Variants in OSBPL3 observed in about 807,000 individuals in gnomAD.
The protein encoded by OSBPL3 is oxysterol-binding protein-related protein 3.
OSBPL3 carries 65 observed loss-of-function variants against 120.1 expected under a neutral mutation model. That is an observed-to-expected ratio of 0.54 (90% confidence interval 0.44 to 0.67). The LOEUF (loss-of-function observed/expected upper bound fraction) is 0.67. Among genes scored for constraint, OSBPL3 ranks in the 30% least tolerant of loss-of-function variants. OSBPL3 has a pLI of 0.00. For missense variants in OSBPL3, 1,004 were observed against 1,082.1 expected (o/e 0.93, Z 1.01); for synonymous variants, 416 against 402.6 (o/e 1.03, Z -0.40).
At chr7:24,963,708 C>T (rs1816050712) in intron 1 of OSBPL3, among the ~76,000 whole-genome samples, 1 of 152,176 alleles carries the variant, frequency 6.6e-6, no homozygotes, top group Non-Finnish European at 1.5e-5. Flanking sequence ...ACCAAAGAGG[C>T]GTAACCTTAG....
intron 12 of OSBPL3, among the ~76,000 whole-genome samples, chr7:24,844,379 T>TC (rs1407190773): frequency 6.7e-6 from 1 of 149,734 alleles, no homozygotes; most frequent in Non-Finnish European, 1.5e-5. Context: ...TTTTTGTGAT[T>TC]TTTTTTTTTT....
Position 24,939,213 on chromosome 7 carries a change from T to C in OSBPL3, c.-150+40673A>G, listed in dbSNP as rs1423521346. 1.3e-5 allele frequency among the ~76,000 whole-genome samples: 2 copies of C among 152,206 alleles called. No homozygotes were observed. The highest frequency in any genetic ancestry group is 6.5e-5 in the Admixed American group (1 of 15,282). On this transcript the variant is annotated intron_variant, in intron 1 of 22. Coordinates refer to ENST00000313367, the MANE Select transcript of OSBPL3 (RefSeq NM_015550.4). This position sits in a 1 kb window ranked among gnomAD's most constrained non-coding sequence, Gnocchi z 4.2. Reference sequence around the variant, plus strand: ...AGAGAAGGAAGAACAACACTGTCCATAATCCAAAGGACCAAGGTCTCTGAG... The same window carrying C: ...AGAGAAGGAAGAACAACACTGTCCACAATCCAAAGGACCAAGGTCTCTGAG...
chr7:24,852,493 A>G lies in OSBPL3; in HGVS notation c.1158+11T>C. 6 of 1,557,322 alleles carry G rather than the reference A, an allele frequency of 3.9e-6. No homozygotes were observed. Among genetic ancestry groups the G allele is most frequent in the South Asian group, 3.7e-5 (3 of 80,836 alleles). On this transcript the variant is annotated intron_variant, in intron 11 of 22. Transcript: ENST00000313367. This position sits in a 1 kb window ranked among gnomAD's most constrained non-coding sequence, Gnocchi z 4.1. ...ATCTCAGGCATTCCTGGAGGCAGAC[A>G]TGTAACTTACGGATGACAGGGCGTT...
intron 2 of OSBPL3, among the ~76,000 whole-genome samples, chr7:24,886,421 A>G (rs1317617535): frequency 2.0e-5 from 3 of 152,228 alleles, no homozygotes; most frequent in Non-Finnish European, 4.4e-5. Flanking sequence ...AATAAAATCA[A>G]TGGGGAAGCC....
At chr7:24,895,413 C>T (rs1282540718) in intron 1 of OSBPL3, among the ~76,000 whole-genome samples, 1 of 152,224 alleles carries the variant, frequency 6.6e-6, no homozygotes, top group Non-Finnish European at 1.5e-5. Context: ...GGGTGTGTAG[C>T]AGGCTCTGCT....
chr7:24,820,043 C>A lies in OSBPL3; in HGVS notation c.1948+132G>T. The A allele has an allele frequency of 1.7e-6, 1 of 593,214 alleles. No individual in the cohort carries two copies. The highest frequency in any genetic ancestry group is 2.1e-5 in the South Asian group (1 of 46,592). The allele number at this position is 593,214 out of a possible 1,614,324, so 36.7% of individuals were successfully genotyped here. ...AGATGAGAGGCAAGAACAGGTGGCG[C>A]AGATCCTTCCAACCAGGCCCAAATC... On this transcript the variant is annotated intron_variant, in intron 17 of 22. Coordinates refer to ENST00000313367, the MANE Select transcript of OSBPL3 (RefSeq NM_015550.4). The surrounding 1 kb of genome is among the most constrained non-coding windows in gnomAD (Gnocchi z 4.6).
chr7:24,862,375 C>A lies in OSBPL3; in HGVS notation c.871-606G>T, dbSNP rs1263273345. 6.6e-6 allele frequency among the ~76,000 whole-genome samples: 1 copy of A among 152,206 alleles called. No homozygotes were observed. The highest frequency in any genetic ancestry group is 1.5e-5 in the Non-Finnish European group (1 of 68,036). ...AAGCTGCCAGGCTTTCTCATTTATA[C>A]TCAATTCCTTCCTCCTGGCAATAAT... On this transcript the variant is annotated intron_variant, in intron 9 of 22. Transcript: ENST00000313367. The surrounding 1 kb of genome is among the most constrained non-coding windows in gnomAD (Gnocchi z 4.4).
At chr7:24,858,446 G>C (rs1800099790) in intron 10 of OSBPL3, among the ~76,000 whole-genome samples, 1 of 152,208 alleles carries the variant, frequency 6.6e-6, no homozygotes, top group Non-Finnish European at 1.5e-5. Flanking sequence ...ACAAACCTGA[G>C]AGCTGTCTTT....
chr7:24,820,314 G>T lies in OSBPL3; in HGVS notation c.1885-76C>A. On this transcript the variant is annotated intron_variant, in intron 16 of 22. Coordinates refer to ENST00000313367, the MANE Select transcript of OSBPL3 (RefSeq NM_015550.4). This position sits in a 1 kb window ranked among gnomAD's most constrained non-coding sequence, Gnocchi z 4.6. ...TCATGAAATCCATTCTTTCTCCCCT[G>T]CACTGAGATGTAACAGCGTGCAATG... The T allele has an allele frequency of 9.4e-7, 1 of 1,061,510 alleles. No homozygotes were observed. The highest frequency in any genetic ancestry group is 1.4e-6 in the Non-Finnish European group (1 of 694,016). The allele number at this position is 1,061,510 out of a possible 1,614,324, so 65.8% of individuals were successfully genotyped here.
chr7:24,866,030 AC>A, intron 6 of OSBPL3, 39 bp downstream of exon 6: 1 of 1,557,510 alleles, frequency 6.4e-7, no homozygotes, highest in East Asian at 2.2e-5. Flanking sequence ...AAACAAAGCC[AC>A]CCCGTTCTCA....
At position 24,867,748 on chromosome 7, in the gene OSBPL3, T is replaced by C. The variant is rs1256074586; in HGVS notation, c.382-1511A>G. Among the ~76,000 whole-genome samples the C allele has an allele frequency of 2.0e-5, 3 of 152,148 alleles. No individual in the cohort carries two copies. The highest frequency in any genetic ancestry group is 7.2e-5 in the African/African-American group (3 of 41,434). On this transcript the variant is annotated intron_variant, in intron 5 of 22. Coordinates refer to ENST00000313367, the MANE Select transcript of OSBPL3 (RefSeq NM_015550.4). This position sits in a 1 kb window ranked among gnomAD's most constrained non-coding sequence, Gnocchi z 4.5. ...GCAGTGTGAAAACGAACTAATACAA[T>C]ATGTTAATGAATGTGAAAGTTATTT...
At chr7:24,892,315 T>A (rs1436772562) in intron 2 of OSBPL3, 62 bp downstream of exon 2, 4 of 1,564,940 alleles carry the variant, frequency 2.6e-6, no homozygotes, top group Non-Finnish European at 2.6e-6. Context: ...ATGTGTGCAT[T>A]TTAACCAGCA....
rs376474480 is a variant in OSBPL3, at chr7:24,807,219, G to A, written c.2318-317C>T. Among the ~76,000 whole-genome samples the A allele has an allele frequency of 3.0e-4, 45 of 152,298 alleles. 1 individual carries two copies. The East Asian group carries it at 4.8e-3, about 16-fold the overall frequency. The stretch of plus-strand genomic sequence containing the variant: ...TTAAAATAAACATGCTCGGCTGGGC[G>A]TGGTGGCTCATGCCTGTAATCCCAG... On this transcript the variant is annotated intron_variant, in intron 20 of 22. Coordinates refer to ENST00000313367, the MANE Select transcript of OSBPL3 (RefSeq NM_015550.4).
At chr7:24,829,342 T>A (rs1796096117) in intron 16 of OSBPL3, among the ~76,000 whole-genome samples, 1 of 152,200 alleles carries the variant, frequency 6.6e-6, no homozygotes, top group Non-Finnish European at 1.5e-5. Context: ...CCAGTGTTAG[T>A]CCATGTTTAA....
At chr7:24,893,571 G>T (rs981638394) in intron 1 of OSBPL3, among the ~76,000 whole-genome samples, 21 of 152,108 alleles carry the variant, frequency 1.4e-4, no homozygotes, top group African/African-American at 4.6e-4. Flanking sequence ...TAACGCTTTG[G>T]GAGGCCGAAG....
In OSBPL3 at chr7:24,898,266, C is replaced by T. The variant is rs1003179441; in HGVS notation, c.-149-5645G>A. On this transcript the variant is annotated intron_variant, in intron 1 of 22. Transcript: ENST00000313367. This position sits in a 1 kb window ranked among gnomAD's most constrained non-coding sequence, Gnocchi z 4.3. Reference sequence around the variant, plus strand: ...AACTTCAGATACCGATCGGTGATCCCGGACCTCTGAAGTGCTGTCCATGTG... The same window carrying T: ...AACTTCAGATACCGATCGGTGATCCTGGACCTCTGAAGTGCTGTCCATGTG... 2.0e-5 allele frequency among the ~76,000 whole-genome samples: 3 copies of T among 152,090 alleles called. No homozygotes were observed. The highest frequency in any genetic ancestry group is 4.4e-5 in the Non-Finnish European group (3 of 68,018).
At chr7:24,840,328 T>G (rs1797587137) in intron 14 of OSBPL3, among the ~76,000 whole-genome samples, 1 of 152,170 alleles carries the variant, frequency 6.6e-6, no homozygotes, top group African/African-American at 2.4e-5. Context: ...GACCAACCCC[T>G]TCTCTTCTTC....
chr7:24,892,751 G>A (rs955187839), intron 1 of OSBPL3, 130 bp from the exon 2 acceptor site: 9 of 449,924 alleles, frequency 2.0e-5, no homozygotes, highest in African/African-American at 1.0e-4. Flanking sequence ...AGCAGGCGCC[G>A]AGAAGGAAAA....
At chr7:24,870,979 A>G in intron 4 of OSBPL3, 134 bp from the exon 5 acceptor site, 1 of 666,512 alleles carries the variant, frequency 1.5e-6, no homozygotes, top group Non-Finnish European at 2.7e-6. Flanking sequence ...AGCGTGAGCC[A>G]GTGCTGAGTT....
Sources: allele counts gnomAD v4.1 joint callset (sites outside exome capture counted in the v4.1 genomes callset), GRCh38; gene constraint gnomAD v4.1.1; non-coding constraint Gnocchi (gnomAD v3.1); transcripts MANE v1.5; gene names NCBI Gene and HGNC (gene_info 2026-07-23, HGNC 2026-07-21).